The following HS6ST3 variants were observed in gnomAD, a reference collection of about 807,000 sequenced individuals.
The protein encoded by HS6ST3 is heparan sulfate 6-O-sulfotransferase 3, also known as heparan-sulfate 6-O-sulfotransferase 3.
HS6ST3 carries 12 observed loss-of-function variants against 36.7 expected under a neutral mutation model. That is an observed-to-expected ratio of 0.33 (90% CI 0.21 to 0.53). The LOEUF is 0.53. Among genes scored for constraint, HS6ST3 ranks in the 20% least tolerant of loss-of-function variants. The probability of loss-of-function intolerance (pLI) is 0.95; values close to 1 mark genes in which losing one functional copy is unlikely to be tolerated. For missense variants in HS6ST3, 584 were observed against 640.9 expected (o/e 0.91, Z 0.96); for synonymous variants, 240 against 257.5 (o/e 0.93, Z 0.65).
In HS6ST3 at chr13:96,832,878, A is replaced by G. The variant is rs753269473; in HGVS notation, c.1096A>G (p.Arg366Gly). ...FQRKTQFLFE[R>G]TFNLKFISPF... ...GAGGAAGACACAGTTTCTCTTTGAG[A>G]GAACATTCAACCTCAAGTTCATCTC... Residue 366 changes from arginine to glycine, a missense_variant, in exon 2 of 2, where the codon AGA (arginine) becomes GGA (glycine). Coordinates refer to ENST00000376705, the MANE Select transcript of HS6ST3 (RefSeq NM_153456.4). 3.7e-6 allele frequency: 6 copies of G among 1,614,174 alleles called. 1 individual carries two copies. The South Asian group carries it at 5.5e-5, about 15-fold the overall frequency.
chr13:96,653,211 A>T (rs910515044), intron 1 of HS6ST3, among the ~76,000 whole-genome samples: 2 of 149,492 alleles, frequency 1.3e-5, no homozygotes, highest in African/African-American at 2.4e-5. Context: ...CTTTTTATAT[A>T]TTTTTTTTAT....
At chr13:96,510,707 AATT>A (rs1044862686) in intron 1 of HS6ST3, among the ~76,000 whole-genome samples, 20 of 152,252 alleles carry the variant, frequency 1.3e-4, no homozygotes, top group Middle Eastern at 3.4e-3. Context: ...CTTTTAAAAA[AATT>A]ATTATTAACA....
intron 1 of HS6ST3, among the ~76,000 whole-genome samples, chr13:96,158,675 A>AAT (rs2066727009): frequency 6.7e-6 from 1 of 150,206 alleles, no homozygotes; most frequent in Non-Finnish European, 1.5e-5. Flanking sequence ...AAAAAAAAAA[A>AAT]TAGAGAAGAA....
chr13:96,177,661 G>A (rs898153873), intron 1 of HS6ST3, among the ~76,000 whole-genome samples: 1 of 151,924 alleles, frequency 6.6e-6, no homozygotes, highest in African/African-American at 2.4e-5. Context: ...AGGAGGGAGA[G>A]GATCGGAGAA....
chr13:96,678,490 T>C (rs538851766), intron 1 of HS6ST3, among the ~76,000 whole-genome samples: 27 of 151,990 alleles, frequency 1.8e-4, no homozygotes, highest in Non-Finnish European at 3.1e-4. Flanking sequence ...CTGGCCAAGA[T>C]AGTGAAACCC....
At chr13:96,748,604 T>G (rs1042151137) in intron 1 of HS6ST3, among the ~76,000 whole-genome samples, 3 of 152,050 alleles carry the variant, frequency 2.0e-5, no homozygotes, top group Admixed American at 6.6e-5. Flanking sequence ...CTTGTATACT[T>G]TTCCATAAAT....
At chr13:96,383,925 G>T (rs774745609) in intron 1 of HS6ST3, among the ~76,000 whole-genome samples, 1 of 152,178 alleles carries the variant, frequency 6.6e-6, no homozygotes, top group Non-Finnish European at 1.5e-5. Flanking sequence ...AGCTGGGGCA[G>T]ACTTCCATCC....
At chr13:96,787,511 G>A (rs1304399508) in intron 1 of HS6ST3, among the ~76,000 whole-genome samples, 1 of 151,884 alleles carries the variant, frequency 6.6e-6, no homozygotes, top group African/African-American at 2.4e-5. Context: ...GTTTCAATTT[G>A]CATTTCCTTA....
chr13:96,586,004 A>T (rs1224885137), intron 1 of HS6ST3, among the ~76,000 whole-genome samples: 11 of 152,120 alleles, frequency 7.2e-5, no homozygotes, highest in Non-Finnish European at 1.5e-5. Flanking sequence ...TTCATAATGG[A>T]TGTATTAATT....
chr13:96,250,522 C>A (rs531509996), intron 1 of HS6ST3, among the ~76,000 whole-genome samples: 1 of 152,268 alleles, frequency 6.6e-6, no homozygotes, highest in African/African-American at 2.4e-5. Flanking sequence ...GCAATGCTTG[C>A]AGTCAACAGA....
intron 1 of HS6ST3, among the ~76,000 whole-genome samples, chr13:96,126,204 C>T (rs914987040): frequency 6.6e-6 from 1 of 152,196 alleles, no homozygotes; most frequent in African/African-American, 2.4e-5. Flanking sequence ...CAGCCCCCTT[C>T]TTGACTTCTA....
intron 1 of HS6ST3, among the ~76,000 whole-genome samples, chr13:96,233,780 T>C (rs1034261152): frequency 6.6e-6 from 1 of 152,126 alleles, no homozygotes; most frequent in African/African-American, 2.4e-5. Context: ...ACTTGGTACC[T>C]GAAGTTTAGA....
intron 1 of HS6ST3, among the ~76,000 whole-genome samples, chr13:96,212,360 C>A (rs1415225454): frequency 1.3e-5 from 2 of 152,192 alleles, no homozygotes; most frequent in Non-Finnish European, 2.9e-5. Context: ...CTTCAAAAGA[C>A]AAGTATTATC....
chr13:96,269,236 G>A (rs962888412), intron 1 of HS6ST3, among the ~76,000 whole-genome samples: 6 of 151,952 alleles, frequency 3.9e-5, no homozygotes, highest in African/African-American at 1.5e-4. Flanking sequence ...ATGTATTCAT[G>A]TGTAATTTTA....
intron 1 of HS6ST3, among the ~76,000 whole-genome samples, chr13:96,551,373 G>T (rs1351889452): frequency 6.6e-6 from 1 of 152,062 alleles, no homozygotes; most frequent in Non-Finnish European, 1.5e-5. Context: ...TGCAAGGGTT[G>T]GTGAGCTCCC....
At chr13:96,232,030 G>A in intron 1 of HS6ST3, among the ~76,000 whole-genome samples, 1 of 152,176 alleles carries the variant, frequency 6.6e-6, no homozygotes, top group East Asian at 1.9e-4. Flanking sequence ...TTGTTCTGAA[G>A]GGGAGTGTGG....
chr13:96,716,198 A>G (rs1875690757), intron 1 of HS6ST3, among the ~76,000 whole-genome samples: 2 of 152,084 alleles, frequency 1.3e-5, no homozygotes, highest in South Asian at 4.1e-4. Context: ...AAATTTTCAG[A>G]TGTCCCATAA....
intron 1 of HS6ST3, among the ~76,000 whole-genome samples, chr13:96,420,043 A>C (rs1469463492): frequency 6.6e-6 from 1 of 152,126 alleles, no homozygotes; most frequent in Non-Finnish European, 1.5e-5. Context: ...CCTGTATATA[A>C]GTTTGGGGTA....
At chr13:96,352,028 T>C (rs1429649639) in intron 1 of HS6ST3, among the ~76,000 whole-genome samples, 1 of 152,194 alleles carries the variant, frequency 6.6e-6, no homozygotes, top group Admixed American at 6.5e-5. Flanking sequence ...ATCTACTAAT[T>C]TTAAAAAGTC....
Sources: allele counts gnomAD v4.1 joint callset (sites outside exome capture counted in the v4.1 genomes callset), GRCh38; gene constraint gnomAD v4.1.1; transcripts MANE v1.5; gene names NCBI Gene and HGNC (gene_info 2026-07-23, HGNC 2026-07-21).